The following SESN1 variants were observed in gnomAD, a reference collection of about 807,000 sequenced individuals.
SESN1 encodes the protein sestrin-1.
In SESN1, 30 loss-of-function variants were observed where a neutral mutation model predicts 59.3. That is an observed-to-expected ratio of 0.51 (90% CI 0.38 to 0.69). The LOEUF (loss-of-function observed/expected upper bound fraction) is 0.69, where lower values mean the gene tolerates loss of function less well. Among genes scored for constraint, SESN1 ranks in the 30% least tolerant of loss-of-function variants. SESN1 has a pLI of 0.00. For synonymous variants in SESN1, 197 were observed against 219.9 expected, an observed-to-expected ratio of 0.90 and a Z score of 0.92; for missense variants, 566 against 673.0, an observed-to-expected ratio of 0.84 and a Z score of 1.76.
chr6:108,999,400 T>C (rs528287728), intron 4 of SESN1, among the ~76,000 whole-genome samples: 10 of 152,320 alleles, frequency 6.6e-5, no homozygotes, highest in African/African-American at 2.4e-4. Context: ...TATCTAATAG[T>C]ATCTATTCTA....
chr6:109,045,305 C>T (rs1005480621), intron 1 of SESN1, among the ~76,000 whole-genome samples: 9 of 152,188 alleles, frequency 5.9e-5, no homozygotes, highest in Admixed American at 4.6e-4. Flanking sequence ...CAGATTAGAA[C>T]GATAGCCTCC....
intron 1 of SESN1, among the ~76,000 whole-genome samples, chr6:109,008,128 A>C (rs1453835478): frequency 6.6e-6 from 1 of 152,204 alleles, no homozygotes. Flanking sequence ...GCAAGCCAAA[A>C]TCTATTTCTT....
intron 1 of SESN1, among the ~76,000 whole-genome samples, chr6:109,030,749 A>G (rs534431584): frequency 6.6e-6 from 1 of 152,360 alleles, no homozygotes; most frequent in Non-Finnish European, 1.5e-5. Context: ...ATAGGATTTT[A>G]TGGTCTACAA....
In SESN1 at chr6:108,990,818, A is replaced by G; in HGVS notation, c.1251T>C (p.Asp417=). The G allele has an allele frequency of 1.9e-6, 3 of 1,613,894 alleles. No homozygotes were observed. Among genetic ancestry groups the G allele is most frequent in the Non-Finnish European group, 2.5e-6 (3 of 1,179,958 alleles). ...TFRVQDYCWE[D]HGYSLVNRLY... is the part of the protein sequence containing the mutation. ...GGCGATTTACCAAAGAATAACCATG[A>G]TCTTCCCAGCAATAGTCCTAAATAC... Residue 417 remains aspartate (D), a synonymous_variant, in exon 8 of 10, where the codon GAT becomes GAC. Coordinates refer to ENST00000436639, the MANE Select transcript of SESN1 (RefSeq NM_014454.3).
chr6:109,009,758 A>G (rs1399428438), intron 1 of SESN1, among the ~76,000 whole-genome samples: 1 of 152,028 alleles, frequency 6.6e-6, no homozygotes, highest in East Asian at 1.9e-4. Flanking sequence ...CGAACAGCTA[A>G]TTCTCAGGTA....
At chr6:108,996,416 G>T (rs1329533117) in intron 5 of SESN1, among the ~76,000 whole-genome samples, 1 of 152,036 alleles carries the variant, frequency 6.6e-6, no homozygotes, top group African/African-American at 2.4e-5. Flanking sequence ...TAGCTGAAAA[G>T]GATTAGGTTT....
Position 109,080,500 on chromosome 6 carries a change from T to C in SESN1, c.279+13295A>G, listed in dbSNP as rs186772704. Among the ~76,000 whole-genome samples, 367 of 152,234 alleles carry C rather than the reference T, an allele frequency of 2.4e-3. 2 individuals carry two copies. Among genetic ancestry groups the C allele is most frequent in the Admixed American group, 2.0e-3 (30 of 15,278 alleles). On this transcript the variant is annotated intron_variant, in intron 1 of 9. Coordinates refer to ENST00000436639, the MANE Select transcript of SESN1 (RefSeq NM_014454.3). ...GAAAATTATACACCACAGTGAAACATGAAGATTCAGTAGGGTTCAAATCAG... is the reference window on the plus strand; with the variant it reads ...GAAAATTATACACCACAGTGAAACACGAAGATTCAGTAGGGTTCAAATCAG...
chr6:109,086,891 T>G (rs1781221426), intron 1 of SESN1, among the ~76,000 whole-genome samples: 1 of 152,174 alleles, frequency 6.6e-6, no homozygotes, highest in African/African-American at 2.4e-5. Context: ...CCCAGCACTT[T>G]GGGAGGCCGA....
chr6:109,005,073 T>G (rs1779706471), intron 1 of SESN1, among the ~76,000 whole-genome samples: 1 of 152,206 alleles, frequency 6.6e-6, no homozygotes, highest in African/African-American at 2.4e-5. Flanking sequence ...CCATCCTAAG[T>G]GTTAACCTAC....
intron 2 of SESN1, 25 bp from the exon 3 acceptor site, chr6:109,001,513 T>C: frequency 6.3e-7 from 1 of 1,590,526 alleles, no homozygotes; most frequent in Non-Finnish European, 8.6e-7. Flanking sequence ...AAAACCATGG[T>C]TACTGAAATG....
rs1356712327 is a variant in SESN1, at chr6:108,985,150, G to A, written c.*2394C>T. Among the ~76,000 whole-genome samples, 1 of 152,000 alleles carries A rather than the reference G, an allele frequency of 6.6e-6. No homozygotes were observed. The highest frequency in any genetic ancestry group is 1.5e-5 in the Non-Finnish European group (1 of 67,994). On this transcript the variant is annotated 3_prime_UTR_variant, in exon 10 of 10. Coordinates refer to ENST00000436639, the MANE Select transcript of SESN1 (RefSeq NM_014454.3). ...ATGAATATGCTAATAAAATTTCAGA[G>A]TATATTGATAAAAAGTGCTTATCCA...
At chr6:109,040,665 T>TTC (rs1780324727) in intron 1 of SESN1, among the ~76,000 whole-genome samples, 1 of 151,974 alleles carries the variant, frequency 6.6e-6, no homozygotes, top group Non-Finnish European at 1.5e-5. Flanking sequence ...ATCTTTTTTT[T>TTC]TTTTTTTGAG....
chr6:109,057,048 A>C (rs1191932553), intron 1 of SESN1, among the ~76,000 whole-genome samples: 1 of 152,138 alleles, frequency 6.6e-6, no homozygotes, highest in Non-Finnish European at 1.5e-5. Flanking sequence ...ATGGTAAGGA[A>C]CTGAATTCTC....
intron 1 of SESN1, among the ~76,000 whole-genome samples, chr6:109,058,479 G>A (rs1311030437): frequency 6.6e-6 from 1 of 152,112 alleles, no homozygotes; most frequent in Non-Finnish European, 1.5e-5. Flanking sequence ...TTTGCCCAAG[G>A]ACAAAATTGC....
At chr6:109,035,443 C>G (rs1780235044) in intron 1 of SESN1, among the ~76,000 whole-genome samples, 1 of 151,676 alleles carries the variant, frequency 6.6e-6, no homozygotes, top group African/African-American at 2.4e-5. Context: ...CGGGAGAAAG[C>G]TGACATATGG....
At position 108,991,853 on chromosome 6, in the gene SESN1, G is replaced by C. The variant is rs187715301; in HGVS notation, c.1233+934C>G. 3.3e-5 allele frequency among the ~76,000 whole-genome samples: 5 copies of C among 152,216 alleles called. No individual in the cohort carries two copies. In the East Asian group the frequency reaches 9.6e-4, roughly 29 times the overall value. On this transcript the variant is annotated intron_variant, in intron 7 of 9. Coordinates refer to ENST00000436639, the MANE Select transcript of SESN1 (RefSeq NM_014454.3). ...AACATACACCACTAATCAGAAGTAG[G>C]AATCTTTAGCTTGAAGCTCTCAGCA...
chr6:109,035,276 T>C (rs561215724), intron 1 of SESN1, among the ~76,000 whole-genome samples: 4 of 152,296 alleles, frequency 2.6e-5, no homozygotes, highest in African/African-American at 9.6e-5. Context: ...ATCTAGTGTG[T>C]GTTAGATGCT....
Position 109,001,532 on chromosome 6 carries a change from G to GTAAATGGTAAA in SESN1, c.346-45_346-44insTTTACCATTTA, listed in dbSNP as rs755585116. ...CCATGGTTACTGAAATGGTAAATTG[G>GTAAATGGTAAA]TGTTAAGGGAAGAAAATATACATGC... is the stretch of plus-strand genomic sequence containing the variant. On this transcript the variant is annotated intron_variant, in intron 2 of 9. Coordinates refer to ENST00000436639, the MANE Select transcript of SESN1 (RefSeq NM_014454.3). The GTAAATGGTAAA allele has an allele frequency of 6.5e-6, 10 of 1,543,626 alleles. No individual in the cohort carries two copies. The African/African-American group carries it at 9.6e-5, about 15-fold the overall frequency.
chr6:109,081,931 G>A (rs780059633), intron 1 of SESN1, among the ~76,000 whole-genome samples: 7 of 152,166 alleles, frequency 4.6e-5, no homozygotes, highest in Non-Finnish European at 8.8e-5. Context: ...TCATTAAACC[G>A]TCAAGGAAAG....
Sources: gnomAD v4.1 joint callset for allele counts (sites outside exome capture counted in the v4.1 genomes callset) on GRCh38, gnomAD v4.1.1 for gene constraint, MANE v1.5 for transcripts, NCBI Gene and HGNC (gene_info 2026-07-23, HGNC 2026-07-21) for gene names.